The following CYP4X1 variants were observed in gnomAD, a reference collection of about 807,000 sequenced individuals.
CYP4X1 encodes the protein cytochrome P450 4X1.
In CYP4X1, 44 loss-of-function variants were observed where a neutral mutation model predicts 57.9. The ratio of observed to expected loss-of-function variants is 0.76; its 90% confidence interval spans 0.60 to 0.98. CYP4X1 has a LOEUF of 0.98. Among genes scored for constraint, CYP4X1 ranks in the 50% least tolerant of loss-of-function variants. The pLI is 0.00. For synonymous variants in CYP4X1, 227 were observed against 228.6 expected (o/e 0.99, Z 0.06); for missense variants, 532 against 623.9 (o/e 0.85, Z 1.57).
At chr1:46,993,097 A>C in the CYP4X1 span, among the ~76,000 whole-genome samples, 3 of 87,776 alleles carry the variant, frequency 3.4e-5, no homozygotes, top group South Asian at 4.7e-4. Flanking sequence ...CCCACCCCAC[A>C]ACAGGTCCCG....
chr1:47,015,009 T>G, the CYP4X1 span, among the ~76,000 whole-genome samples: 1 of 152,208 alleles, frequency 6.6e-6, no homozygotes, highest in African/African-American at 2.4e-5. Flanking sequence ...GTTTTTCTTT[T>G]GGACTTCATT....
rs565486116 is a variant in CYP4X1 at position 47,029,841 on chromosome 1, G to A, written c.178-149G>A. 156 of 778,622 alleles carry A rather than the reference G, an allele frequency of 2.0e-4. 2 individuals carry two copies. In the South Asian group the frequency reaches 3.0e-3, roughly 15 times the overall value. The allele number at this position is 778,622 out of a possible 1,614,324, so 48.2% of individuals were successfully genotyped here. ...AGAGAATTATCCCCCAAGCTTAGAAGTCCCAAAGAAAGCATGTTATGTCAC... is the reference window on the plus strand; with the variant it reads ...AGAGAATTATCCCCCAAGCTTAGAAATCCCAAAGAAAGCATGTTATGTCAC... On this transcript the variant is annotated intron_variant, in intron 1 of 11. Coordinates refer to ENST00000371901, the MANE Select transcript of CYP4X1 (RefSeq NM_178033.2).
the CYP4X1 span, among the ~76,000 whole-genome samples, chr1:46,987,292 ATTACATAAT>A: frequency 5.3e-4 from 81 of 152,366 alleles, no homozygotes; most frequent in Admixed American, 2.4e-3. Context: ...AAAGAAAGGC[ATTACATAAT>A]GGCAAAGGGA....
At chr1:46,966,168 A>G in the CYP4X1 span, among the ~76,000 whole-genome samples, 1 of 152,210 alleles carries the variant, frequency 6.6e-6, no homozygotes, top group South Asian at 2.1e-4. Context: ...GGTTGGCTAG[A>G]ATTCCAAACC....
At chr1:47,054,842 A>G (rs1337174544), downstream of CYP4X1, among the ~76,000 whole-genome samples, 2 of 152,184 alleles carry the variant, frequency 1.3e-5, no homozygotes, top group African/African-American at 4.8e-5. Context: ...GGTTTTCTCA[A>G]TATACAGTCA....
the CYP4X1 span, among the ~76,000 whole-genome samples, chr1:46,972,089 T>C: frequency 6.6e-6 from 1 of 152,240 alleles, no homozygotes; most frequent in Non-Finnish European, 1.5e-5. Flanking sequence ...TTTATATATT[T>C]AATCCACCTT....
chr1:46,994,067 T>A, the CYP4X1 span, among the ~76,000 whole-genome samples: 1 of 152,244 alleles, frequency 6.6e-6, no homozygotes, highest in Non-Finnish European at 1.5e-5. Context: ...GTTTCAGGTC[T>A]AACATTTAAG....
the CYP4X1 span, among the ~76,000 whole-genome samples, chr1:46,986,566 C>A: frequency 6.6e-6 from 1 of 151,902 alleles, no homozygotes; most frequent in Non-Finnish European, 1.5e-5. Flanking sequence ...AAGAGCACCC[C>A]CAAGACATAT....
At chr1:47,015,689 G>T in the CYP4X1 span, among the ~76,000 whole-genome samples, 5 of 152,104 alleles carry the variant, frequency 3.3e-5, no homozygotes, top group East Asian at 9.6e-4. Context: ...AGAGGTTGAG[G>T]CTTCAATAAA....
chr1:47,018,402 GC>G, the CYP4X1 span, among the ~76,000 whole-genome samples: 2 of 152,122 alleles, frequency 1.3e-5, no homozygotes, highest in East Asian at 3.8e-4. Context: ...TGTTACAGAA[GC>G]CTATGTTAGT....
the CYP4X1 span, chr1:47,002,995 A>C: frequency 6.6e-6 from 1 of 152,156 alleles, no homozygotes; most frequent in African/African-American, 2.4e-5. Flanking sequence ...CTCTCACTTG[A>C]TCTCCCTAGA....
the CYP4X1 span, among the ~76,000 whole-genome samples, chr1:47,010,278 A>C: frequency 1.2e-4 from 18 of 152,204 alleles, no homozygotes; most frequent in African/African-American, 4.3e-4. Flanking sequence ...AATAAATGTA[A>C]TCCAGCATAT....
At chr1:46,968,229 T>G in the CYP4X1 span, among the ~76,000 whole-genome samples, 1 of 152,258 alleles carries the variant, frequency 6.6e-6, no homozygotes, top group South Asian at 2.1e-4. Flanking sequence ...CCCTTACTCC[T>G]TCATTACCCA....
chr1:46,961,560 C>T, the CYP4X1 span: 12,331 of 1,227,926 alleles, frequency 0.01, 189 homozygotes, highest in South Asian at 0.052. Flanking sequence ...AGCTGCTCTT[C>T]CTGAGAACAA....
the CYP4X1 span, among the ~76,000 whole-genome samples, chr1:46,983,273 C>T: frequency 1.3e-5 from 2 of 152,136 alleles, no homozygotes; most frequent in South Asian, 4.2e-4. Flanking sequence ...TGGAAGCATT[C>T]AGCAGGGGAT....
At chr1:47,027,368 A>G (rs571341297) in intron 1 of CYP4X1, among the ~76,000 whole-genome samples, 2 of 152,270 alleles carry the variant, frequency 1.3e-5, no homozygotes, top group Admixed American at 6.5e-5. Context: ...GTAACATTTT[A>G]TTGCTACATA....
At chr1:47,043,912 C>CTTTG (rs1438437873) in intron 8 of CYP4X1, among the ~76,000 whole-genome samples, 1 of 152,038 alleles carries the variant, frequency 6.6e-6, no homozygotes, top group African/African-American at 2.4e-5. Flanking sequence ...GTTCAGCTAC[C>CTTTG]TTTGCTCTCT....
At chr1:47,034,375 G>A (rs1197069873) in intron 4 of CYP4X1, among the ~76,000 whole-genome samples, 1 of 152,130 alleles carries the variant, frequency 6.6e-6, no homozygotes, top group Non-Finnish European at 1.5e-5. Flanking sequence ...ATTTATAAAC[G>A]AGTTCTATTC....
the CYP4X1 span, among the ~76,000 whole-genome samples, chr1:47,009,219 C>G: frequency 5.9e-5 from 9 of 151,996 alleles, no homozygotes; most frequent in African/African-American, 2.2e-4. Flanking sequence ...TCTCTCAGAC[C>G]ACAGTGCAAT....
Sources: gnomAD v4.1 joint callset for allele counts (sites outside exome capture counted in the v4.1 genomes callset) on GRCh38, gnomAD v4.1.1 for gene constraint, MANE v1.5 for transcripts, NCBI Gene and HGNC (gene_info 2026-07-23, HGNC 2026-07-21) for gene names.